ZMYND11: variants seen among roughly 807,000 people sequenced by gnomAD.
ZMYND11 encodes zinc finger MYND-type containing 11, also known as zinc finger MYND domain-containing protein 11.
Under a neutral mutation model 84.9 loss-of-function variants are expected in ZMYND11, and 9 were observed. The ratio of observed to expected loss-of-function variants is 0.11; its 90% confidence interval spans 0.06 to 0.18. The LOEUF is 0.18. Ranked by LOEUF, ZMYND11 falls within the 10% of genes least tolerant of loss-of-function variation. ZMYND11 has a pLI of 1.00. For synonymous variants in ZMYND11, 250 were observed against 244.1 expected (o/e 1.02, Z -0.23); for missense variants, 409 against 761.0 (o/e 0.54, Z 5.44).
intron 4 of ZMYND11, among the ~76,000 whole-genome samples, chr10:229,224 T>C (rs1429349139): frequency 6.6e-6 from 1 of 152,220 alleles, no homozygotes; most frequent in Non-Finnish European, 1.5e-5. Flanking sequence ...TAAATGTGGA[T>C]GAACAATTCT....
At chr10:203,593 A>C (rs1943617559) in intron 2 of ZMYND11, among the ~76,000 whole-genome samples, 1 of 152,182 alleles carries the variant, frequency 6.6e-6, no homozygotes, top group Admixed American at 6.5e-5. Context: ...AGCCACAATG[A>C]GTCTGAAAAA....
rs1412394491 is a variant in ZMYND11 at position 253,953 on chromosome 10, C to T, written c.*1483C>T. Reference sequence around the variant, plus strand: ...TTGATGCTGTTGCAGATGGTGGTGACACAAGTTAATTGACAAACTACTGCC... The same window carrying T: ...TTGATGCTGTTGCAGATGGTGGTGATACAAGTTAATTGACAAACTACTGCC... On this transcript the variant is annotated 3_prime_UTR_variant, in exon 15 of 15. Transcript: ENST00000381604. 6.6e-6 allele frequency: 1 copy of T among 152,540 alleles called. No homozygotes were observed. The highest frequency in any genetic ancestry group is 6.5e-5 in the Admixed American group (1 of 15,278). 9.4% of individuals were successfully genotyped at this position (152,540 alleles called of 1,614,324 possible).
chr10:167,820 G>A (rs559874116), intron 1 of ZMYND11, among the ~76,000 whole-genome samples: 1 of 151,686 alleles, frequency 6.6e-6, no homozygotes, highest in South Asian at 2.1e-4. Flanking sequence ...TTTTAATGTG[G>A]CAAATACACA....
intron 2 of ZMYND11, among the ~76,000 whole-genome samples, chr10:188,815 C>T (rs1001672255): frequency 6.6e-6 from 1 of 152,130 alleles, no homozygotes; most frequent in African/African-American, 2.4e-5. Context: ...AGTTTAAAGA[C>T]ATACTGTTGA....
At chr10:174,306 A>G (rs1846053486) in intron 1 of ZMYND11, among the ~76,000 whole-genome samples, 2 of 152,258 alleles carry the variant, frequency 1.3e-5, no homozygotes, top group Admixed American at 6.5e-5. Flanking sequence ...AAAAGGCCAC[A>G]TACTGTATGA....
intron 9 of ZMYND11, 60 bp from the exon 10 acceptor site, chr10:241,961 G>A: frequency 1.3e-6 from 2 of 1,562,000 alleles, no homozygotes; most frequent in Non-Finnish European, 1.8e-6. Context: ...TAATATTAAT[G>A]GTACACTTGC....
At chr10:189,264 G>A (rs1939664678) in intron 2 of ZMYND11, among the ~76,000 whole-genome samples, 1 of 152,084 alleles carries the variant, frequency 6.6e-6, no homozygotes. Context: ...TTTCAACTAG[G>A]TACACATTAT....
rs1252964641 is a variant in ZMYND11, at chr10:209,977, C to G, written c.205C>G (p.Leu69Val). The G allele has an allele frequency of 6.2e-7, 1 of 1,614,104 alleles. No homozygotes were observed. The highest frequency in any genetic ancestry group is 1.3e-5 in the African/African-American group (1 of 75,044). ...AVKDGLIVETLTVGCKGSKAG... is the reference protein window; with the variant it reads ...AVKDGLIVETVTVGCKGSKAG... Reference sequence around the variant, plus strand: ...GAAAGATGGTCTTATTGTCGAAACTCTAACAGTGGGCTGCAAAGGTTCAAA... The same window carrying G: ...GAAAGATGGTCTTATTGTCGAAACTGTAACAGTGGGCTGCAAAGGTTCAAA... The change falls in exon 3 of 15, where the codon CTA (leucine) becomes GTA (valine). Residue 69 changes from leucine to valine, a missense_variant. Coordinates refer to ENST00000381604, the MANE Select transcript of ZMYND11 (RefSeq NM_001370100.5).
At chr10:191,971 T>TA (rs1332023108) in intron 2 of ZMYND11, among the ~76,000 whole-genome samples, 2 of 152,222 alleles carry the variant, frequency 1.3e-5, no homozygotes, top group East Asian at 3.8e-4. Flanking sequence ...TTATATGACT[T>TA]ACGTTATCTT....
At chr10:237,728 A>T in intron 6 of ZMYND11, 51 bp downstream of exon 6, 1 of 1,401,396 alleles carries the variant, frequency 7.1e-7, no homozygotes, top group Non-Finnish European at 9.9e-7. Context: ...CTTAACTAAC[A>T]AGTTAAAGAA....
At chr10:242,479 G>A (rs1951198532) in intron 10 of ZMYND11, among the ~76,000 whole-genome samples, 1 of 151,938 alleles carries the variant, frequency 6.6e-6, no homozygotes, top group Admixed American at 6.6e-5. Flanking sequence ...TACTCTAGTT[G>A]CTCCAGCCAT....
At chr10:223,329 G>A (rs370986466) in intron 4 of ZMYND11, among the ~76,000 whole-genome samples, 1 of 152,160 alleles carries the variant, frequency 6.6e-6, no homozygotes, top group Non-Finnish European at 1.5e-5. Flanking sequence ...GTGAGCCATC[G>A]TGCCCAGTCT....
At chr10:241,249 C>A (rs1016340648) in intron 9 of ZMYND11, among the ~76,000 whole-genome samples, 3 of 152,134 alleles carry the variant, frequency 2.0e-5, no homozygotes, top group Admixed American at 2.0e-4. Context: ...GATCTCAGCT[C>A]ACCGTAGCCT....
At chr10:219,858 C>A (rs1350823508) in intron 3 of ZMYND11, among the ~76,000 whole-genome samples, 1 of 152,178 alleles carries the variant, frequency 6.6e-6, no homozygotes, top group Non-Finnish European at 1.5e-5. Context: ...CTTTGGTCAA[C>A]ACAGACTGCC....
chr10:208,316 T>G (rs374021038), intron 2 of ZMYND11, among the ~76,000 whole-genome samples: 3 of 152,062 alleles, frequency 2.0e-5, no homozygotes, highest in South Asian at 2.1e-4. Context: ...TTAAAGAGCT[T>G]CTGCACAGCA....
chr10:238,376 AGACGGAGTCTCACTCT>A (rs1267802431), intron 6 of ZMYND11, among the ~76,000 whole-genome samples: 4 of 149,420 alleles, frequency 2.7e-5, no homozygotes, highest in African/African-American at 9.9e-5. Flanking sequence ...TTTTTTTTTG[AGACGGAGTCTCACTCT>A]GTCGCCCAGG....
intron 1 of ZMYND11, among the ~76,000 whole-genome samples, chr10:164,473 A>G (rs1452591564): frequency 2.0e-5 from 3 of 152,154 alleles, no homozygotes; most frequent in African/African-American, 7.2e-5. Context: ...CTCTGCTGTC[A>G]TTTGTCCTCA....
At chr10:150,240 C>G (rs1219745368) in intron 1 of ZMYND11, among the ~76,000 whole-genome samples, 1 of 152,104 alleles carries the variant, frequency 6.6e-6, no homozygotes, top group African/African-American at 2.4e-5. Context: ...TCCGTCTGGT[C>G]CTGGACTTTT....
chr10:240,967 T>C lies in ZMYND11; in HGVS notation c.828T>C (p.Pro276=), dbSNP rs1950792724. The C allele has an allele frequency of 6.2e-7, 1 of 1,613,118 alleles. No homozygotes were observed. Among genetic ancestry groups the C allele is most frequent in the Non-Finnish European group, 8.5e-7 (1 of 1,179,560 alleles). ...NARPDNWFCY[P]CIPNHELVWA... is the part of the protein sequence containing the mutation. Reference sequence around the variant, plus strand: ...GTCCTGACAACTGGTTCTGTTATCCTTGTGTATGTGAAATTTTTACCTCAA... The same window carrying C: ...GTCCTGACAACTGGTTCTGTTATCCCTGTGTATGTGAAATTTTTACCTCAA... Residue 276 remains proline (P), a synonymous_variant, in exon 9 of 15, where the codon CCT becomes CCC. Coordinates refer to ENST00000381604, the MANE Select transcript of ZMYND11 (RefSeq NM_001370100.5).
Sources: gnomAD v4.1 joint callset for allele counts (sites outside exome capture counted in the v4.1 genomes callset) on GRCh38, gnomAD v4.1.1 for gene constraint, MANE v1.5 for transcripts, NCBI Gene and HGNC (gene_info 2026-07-23, HGNC 2026-07-21) for gene names.